FIRRM: variants seen among roughly 807,000 people sequenced by gnomAD.
The protein encoded by FIRRM is FIGNL1-interacting regulator of recombination and mitosis.
At chr1:169,850,343 A>G in the FIRRM span, 1 of 1,600,768 alleles carries the variant, frequency 6.2e-7, no homozygotes, top group Non-Finnish European at 8.6e-7. Context: ...CTTTCTGGAG[A>G]AGGTACTTTC....
At chr1:169,837,555 G>A in the FIRRM span, among the ~76,000 whole-genome samples, 3 of 152,228 alleles carry the variant, frequency 2.0e-5, no homozygotes, top group Non-Finnish European at 4.4e-5. Context: ...GAAGAAGTAG[G>A]AAATGTGAGA....
At chr1:169,805,374 T>C in the FIRRM span, among the ~76,000 whole-genome samples, 10,086 of 152,326 alleles carry the variant, frequency 0.066, 431 homozygotes, top group Non-Finnish European at 0.099. Context: ...AGGTTCACCC[T>C]ATCTCAGATA....
chr1:169,784,123 T>A, the FIRRM span, among the ~76,000 whole-genome samples: 1 of 152,176 alleles, frequency 6.6e-6, no homozygotes, highest in Non-Finnish European at 1.5e-5. Context: ...GAATGTTATA[T>A]CAGATGCATA....
the FIRRM span, among the ~76,000 whole-genome samples, chr1:169,787,885 T>C: frequency 7.3e-6 from 1 of 136,072 alleles, no homozygotes; most frequent in African/African-American, 2.8e-5. Flanking sequence ...TTTTTTTTCA[T>C]GTTGATCACT....
chr1:169,802,677 G>A, the FIRRM span: 5 of 1,613,272 alleles, frequency 3.1e-6, no homozygotes, highest in African/African-American at 2.7e-5. Context: ...CCAGAGGACT[G>A]TCAAGCCAAA....
chr1:169,841,098 GCT>G, the FIRRM span, among the ~76,000 whole-genome samples: 46 of 152,204 alleles, frequency 3.0e-4, no homozygotes, highest in African/African-American at 1.1e-3. Flanking sequence ...GTCATAGATG[GCT>G]CTTATTATTT....
the FIRRM span, chr1:169,784,744 C>G: frequency 6.6e-6 from 1 of 152,174 alleles, no homozygotes; most frequent in East Asian, 1.9e-4. Context: ...CACAAATAGA[C>G]CCAGGGTCTT....
the FIRRM span, among the ~76,000 whole-genome samples, chr1:169,807,117 G>A: frequency 6.6e-6 from 1 of 152,152 alleles, no homozygotes; most frequent in Non-Finnish European, 1.5e-5. Flanking sequence ...CTCTGTGGAT[G>A]CTGCCTCCTT....
the FIRRM span, among the ~76,000 whole-genome samples, chr1:169,819,449 C>T: frequency 7.7e-4 from 117 of 152,270 alleles, no homozygotes; most frequent in Non-Finnish European, 1.2e-3. Flanking sequence ...TTTATGATAC[C>T]TCCAAAGTGA....
chr1:169,845,997 TA>T, the FIRRM span, among the ~76,000 whole-genome samples: 3 of 152,234 alleles, frequency 2.0e-5, no homozygotes, highest in African/African-American at 7.2e-5. Flanking sequence ...TTATAAAACG[TA>T]TTTCTTAAAC....
the FIRRM span, among the ~76,000 whole-genome samples, chr1:169,841,826 A>G: frequency 5.3e-5 from 8 of 152,180 alleles, no homozygotes; most frequent in Non-Finnish European, 8.8e-5. Flanking sequence ...AAAACTATTT[A>G]TTAAAGTAGA....
chr1:169,851,674 A>AGAG, the FIRRM span: 1 of 884,572 alleles, frequency 1.1e-6, no homozygotes, highest in Non-Finnish European at 1.7e-6. Flanking sequence ...GATTATACTA[A>AGAG]GAGTATTTAT....
the FIRRM span, among the ~76,000 whole-genome samples, chr1:169,796,861 T>G: frequency 1.8e-3 from 270 of 152,346 alleles, 1 homozygote; most frequent in Admixed American, 3.1e-3. Flanking sequence ...TCTCTCAGCC[T>G]TTTGCATATT....
chr1:169,831,331 T>C, the FIRRM span, among the ~76,000 whole-genome samples: 85 of 152,370 alleles, frequency 5.6e-4, no homozygotes, highest in Non-Finnish European at 4.6e-4. Context: ...GATTATGACC[T>C]ATTTGTTACA....
chr1:169,803,114 C>A, the FIRRM span: 1 of 1,547,106 alleles, frequency 6.5e-7, no homozygotes, highest in Non-Finnish European at 8.9e-7. Context: ...CTGACTAATA[C>A]CTTTTCAGTG....
At chr1:169,844,007 A>G in the FIRRM span, among the ~76,000 whole-genome samples, 1 of 152,082 alleles carries the variant, frequency 6.6e-6, no homozygotes. Flanking sequence ...AGCAGTCAAT[A>G]CTTTTTGTTA....
At chr1:169,853,914 C>T in the FIRRM span, 2 of 893,440 alleles carry the variant, frequency 2.2e-6, no homozygotes, top group African/African-American at 1.8e-5. Flanking sequence ...TAACTTAGAG[C>T]TCTAACAGAA....
chr1:169,836,888 G>C, the FIRRM span: 1 of 1,518,560 alleles, frequency 6.6e-7, no homozygotes, highest in Admixed American at 1.9e-5. Flanking sequence ...CCTCTGACTT[G>C]TCTCATGTTA....
chr1:169,833,701 C>T, the FIRRM span, among the ~76,000 whole-genome samples: 1 of 152,128 alleles, frequency 6.6e-6, no homozygotes, highest in African/African-American at 2.4e-5. Context: ...TCTTAGCCTT[C>T]TTTTCGTAGC....
Sources: gnomAD v4.1 joint callset for allele counts (sites outside exome capture counted in the v4.1 genomes callset) on GRCh38, gnomAD v4.1.1 for gene constraint, MANE v1.5 for transcripts, NCBI Gene and HGNC (gene_info 2026-07-23, HGNC 2026-07-21) for gene names.